The following SEZ6L variants were observed in gnomAD, a reference collection of about 807,000 sequenced individuals.
The protein encoded by SEZ6L is seizure related 6 homolog like, also known as seizure 6-like protein.
In SEZ6L, 37 loss-of-function variants were observed where a neutral mutation model predicts 106.2. The observed-to-expected ratio is 0.35, with a 90% CI of 0.27 to 0.46. SEZ6L has a LOEUF of 0.46. Ranked by LOEUF, SEZ6L falls within the 20% of genes least tolerant of loss-of-function variation. The pLI, the probability that SEZ6L is intolerant of heterozygous loss-of-function variation, is 1.00. For synonymous variants in SEZ6L, 541 were observed against 570.4 expected (o/e 0.95, Z 0.73); for missense variants, 1,172 against 1,332.8 (o/e 0.88, Z 1.88).
intron 1 of SEZ6L, among the ~76,000 whole-genome samples, chr22:26,290,359 G>A (rs1446190306): frequency 1.3e-5 from 2 of 152,076 alleles, no homozygotes; most frequent in Non-Finnish European, 2.9e-5. Context: ...GTGAAACCCT[G>A]TCTCTACTAA....
At chr22:26,189,750 C>T (rs117120942) in intron 1 of SEZ6L, among the ~76,000 whole-genome samples, 1 of 152,260 alleles carries the variant, frequency 6.6e-6, no homozygotes, top group Non-Finnish European at 1.5e-5. Context: ...ACGAGTCTCA[C>T]ATGGATACTG....
intron 10 of SEZ6L, 59 bp downstream of exon 10, chr22:26,340,691 G>T: frequency 7.0e-7 from 1 of 1,433,420 alleles, no homozygotes; most frequent in Non-Finnish European, 9.5e-7. Context: ...GGTTAAGGTG[G>T]TTTCCTCTAG....
chr22:26,380,484 T>A lies in SEZ6L; in HGVS notation c.*189T>A. 3 of 476,508 alleles carry A rather than the reference T, an allele frequency of 6.3e-6. 1 individual carries two copies. In the South Asian group the frequency reaches 1.5e-4, roughly 24 times the overall value. 29.5% of individuals were successfully genotyped at this position (476,508 alleles called of 1,614,324 possible). A position where few individuals can be genotyped will look rare whatever the true frequency, so the allele number is the denominator to read the frequency against. The stretch of plus-strand genomic sequence containing the variant: ...TTTAAAAGTGAAATAGGTGTGGGTT[T>A]GGATGTTTCGCGGCCTCAGCCAAAT... On this transcript the variant is annotated 3_prime_UTR_variant, in exon 17 of 17. Coordinates refer to ENST00000248933, the MANE Select transcript of SEZ6L (RefSeq NM_021115.5).
intron 1 of SEZ6L, among the ~76,000 whole-genome samples, chr22:26,250,105 A>T (rs1369046929): frequency 6.6e-6 from 1 of 152,140 alleles, no homozygotes; most frequent in Admixed American, 6.5e-5. Flanking sequence ...ATTTTCTCCC[A>T]TTCTGCAGGT....
At chr22:26,278,983 AG>A (rs2080658528) in intron 1 of SEZ6L, among the ~76,000 whole-genome samples, 1 of 114,762 alleles carries the variant, frequency 8.7e-6, no homozygotes, top group Non-Finnish European at 1.9e-5. Context: ...GGAGGGAGGG[AG>A]GGAGGAAGGA....
rs1414710415 is a variant in SEZ6L, at chr22:26,293,107, A to G, written c.796A>G (p.Ile266Val). 3.1e-6 allele frequency: 5 copies of G among 1,597,092 alleles called. No homozygotes were observed. Among genetic ancestry groups the G allele is most frequent in the East Asian group, 2.2e-5 (1 of 44,506 alleles). ...EESQETTTST[I>V]ITTTVITTEQ... ...GAGCCAGGAGACCACTACCTCCACC[A>G]TTATCACCACCACGGTCATCACCAC... Residue 266 changes from isoleucine (I) to valine (V), a missense_variant, in exon 2 of 17, where the codon ATT becomes GTT. By Grantham distance (29) the Ile-to-Val change is conservative. Transcript: ENST00000248933.
intron 9 of SEZ6L, among the ~76,000 whole-genome samples, chr22:26,332,073 A>G (rs1441627197): frequency 6.6e-6 from 1 of 152,106 alleles, no homozygotes; most frequent in Non-Finnish European, 1.5e-5. Context: ...AGTGTTCTAT[A>G]ACACTGTAGG....
At chr22:26,196,348 T>A (rs987010874) in intron 1 of SEZ6L, among the ~76,000 whole-genome samples, 1 of 152,200 alleles carries the variant, frequency 6.6e-6, no homozygotes, top group African/African-American at 2.4e-5. Context: ...CAATTAAGCC[T>A]CTTTTCTATA....
At chr22:26,322,996 T>C (rs760679738) in intron 9 of SEZ6L, among the ~76,000 whole-genome samples, 2 of 152,210 alleles carry the variant, frequency 1.3e-5, no homozygotes, top group African/African-American at 4.8e-5. Flanking sequence ...GGAACTAACA[T>C]TGGTGAAGGC....
In SEZ6L at chr22:26,380,854, C is replaced by T. The variant is rs994308361; in HGVS notation, c.*559C>T. 7.9e-5 allele frequency: 12 copies of T among 152,580 alleles called. No homozygotes were observed. The highest frequency in any genetic ancestry group is 1.5e-4 in the Non-Finnish European group (10 of 68,304). The allele number at this position is 152,580 out of a possible 1,614,324, so 9.5% of individuals were successfully genotyped here. A position where few individuals can be genotyped will look rare whatever the true frequency, so the allele number is the denominator to read the frequency against. On this transcript the variant is annotated 3_prime_UTR_variant, in exon 17 of 17. Coordinates refer to ENST00000248933, the MANE Select transcript of SEZ6L (RefSeq NM_021115.5). ...GTTTTTCCACAGCCCCTCCCTCTCA[C>T]GGTTCTTCTGAAGGTAGCAAAGGTG...
chr22:26,330,998 G>A (rs2082462537), intron 9 of SEZ6L, among the ~76,000 whole-genome samples: 1 of 152,172 alleles, frequency 6.6e-6, no homozygotes, highest in South Asian at 2.1e-4. Context: ...TGTTTGTTTA[G>A]AAAGGAATAA....
intron 1 of SEZ6L, among the ~76,000 whole-genome samples, chr22:26,261,809 A>G (rs1176236496): frequency 1.3e-5 from 2 of 152,160 alleles, no homozygotes; most frequent in African/African-American, 4.8e-5. Flanking sequence ...TGAAATAATA[A>G]AAAGTGTGGT....
chr22:26,178,265 C>T (rs1428034686), intron 1 of SEZ6L, among the ~76,000 whole-genome samples: 5 of 152,136 alleles, frequency 3.3e-5, no homozygotes, highest in East Asian at 3.8e-4. Flanking sequence ...AAGCTTGCAC[C>T]GGGGAATGGT....
At chr22:26,253,826 G>A (rs2079704655) in intron 1 of SEZ6L, 1 of 152,180 alleles carries the variant, frequency 6.6e-6, no homozygotes, top group African/African-American at 2.4e-5. Context: ...CATGGAAAAA[G>A]TCATCTTAAA....
intron 10 of SEZ6L, among the ~76,000 whole-genome samples, chr22:26,346,547 G>A (rs2083013892): frequency 6.6e-6 from 1 of 152,182 alleles, no homozygotes; most frequent in African/African-American, 2.4e-5. Flanking sequence ...TTCAGGAGCA[G>A]CATGAGTTGG....
chr22:26,293,980 C>T (rs888062358), intron 2 of SEZ6L, among the ~76,000 whole-genome samples: 1 of 152,070 alleles, frequency 6.6e-6, no homozygotes, highest in African/African-American at 2.4e-5. Flanking sequence ...TGAGCTCGGC[C>T]CCTCTCTGAG....
Position 26,232,435 on chromosome 22 carries a change from A to T in SEZ6L, c.95-59971A>T, listed in dbSNP as rs531490464. On this transcript the variant is annotated intron_variant, in intron 1 of 16. Transcript: ENST00000248933. ...CTGGAAACAGACAGACGTGTATTCA[A>T]ATGTCAACCTTACCTGCCCTGACTA... Among the ~76,000 whole-genome samples, 6 of 151,462 alleles carry T rather than the reference A, an allele frequency of 4.0e-5. No individual in the cohort carries two copies. The South Asian group carries it at 1.0e-3, about 26-fold the overall frequency.
Position 26,293,143 on chromosome 22 carries a change from C to T in SEZ6L, c.832C>T (p.Pro278Ser). ...CACGGTCATCACCACCGAGCAGGCA[C>T]CAGGTATGCAGCCCCCAACTCCTGA... ...TTTVITTEQA[P>S]ALCSVSFSNP... Residue 278 changes from proline (P) to serine (S), a missense_variant, in exon 2 of 17, where the codon CCA becomes TCA. Transcript: ENST00000248933. 1 of 1,530,356 alleles carries T rather than the reference C, an allele frequency of 6.5e-7. No homozygotes were observed. 94.8% of individuals were successfully genotyped at this position (1,530,356 alleles called of 1,614,324 possible).
At chr22:26,251,319 T>C (rs141546085) in intron 1 of SEZ6L, among the ~76,000 whole-genome samples, 21 of 140,850 alleles carry the variant, frequency 1.5e-4, no homozygotes, top group African/African-American at 5.0e-4. Flanking sequence ...ATTCTCCTTT[T>C]ATTCCTAATT....
Sources: allele counts gnomAD v4.1 joint callset (sites outside exome capture counted in the v4.1 genomes callset), GRCh38; gene constraint gnomAD v4.1.1; transcripts MANE v1.5; gene names NCBI Gene and HGNC (gene_info 2026-07-23, HGNC 2026-07-21).